The following MEF2B variants were observed in gnomAD, a reference collection of about 807,000 sequenced individuals.
MEF2B encodes myocyte-specific enhancer factor 2B.
Under a neutral mutation model 32.2 loss-of-function variants are expected in MEF2B, and 15 were observed. The ratio of observed to expected loss-of-function variants is 0.47; its 90% CI spans 0.31 to 0.72. The LOEUF (loss-of-function observed/expected upper bound fraction) is 0.72, where lower values mean the gene tolerates loss of function less well. MEF2B is among the 30% of genes least tolerant of loss of function. The pLI is 0.05. For missense variants in MEF2B, 441 were observed against 511.5 expected (o/e 0.86, Z 1.33); for synonymous variants, 205 against 225.6 (o/e 0.91, Z 0.82).
chr19:19,161,000 G>A (rs949310842), intron 1 of MEF2B, among the ~76,000 whole-genome samples: 1 of 152,154 alleles, frequency 6.6e-6, no homozygotes, highest in African/African-American at 2.4e-5. Context: ...CCTGCCCTCA[G>A]GGACTCAGGG....
At chr19:19,150,942 T>C (rs558208369) in intron 1 of MEF2B, among the ~76,000 whole-genome samples, 178 bp from the exon 2 acceptor site, 3 of 152,102 alleles carry the variant, frequency 2.0e-5, no homozygotes, top group Non-Finnish European at 4.4e-5. Context: ...TAGGATGCAG[T>C]AGAGGCTCAA....
At chr19:19,164,125 G>A (rs1395997257) in intron 1 of MEF2B, among the ~76,000 whole-genome samples, 1 of 152,018 alleles carries the variant, frequency 6.6e-6, no homozygotes, top group Non-Finnish European at 1.5e-5. Flanking sequence ...CCCCCACCAT[G>A]CCCAGCTAAT....
chr19:19,150,171 G>GGAGA (rs1599721960), intron 2 of MEF2B, among the ~76,000 whole-genome samples: 4 of 108,322 alleles, frequency 3.7e-5, no homozygotes, highest in East Asian at 4.7e-4. Context: ...AGGGAGGGAA[G>GGAGA]GAGGGAGGGA....
intron 1 of MEF2B, among the ~76,000 whole-genome samples, chr19:19,162,883 G>A (rs888080699): frequency 1.3e-5 from 2 of 152,074 alleles, no homozygotes; most frequent in African/African-American, 4.8e-5. Context: ...GTGTTTGCAG[G>A]GGTCCCCACA....
In MEF2B at chr19:19,145,870, C is replaced by T. The variant is rs1357520436; in HGVS notation, c.1034G>A (p.Arg345Gln). ...AGGCCGCAGAGGCTCTGCCAGGGAC[C>T]GGGCGAGGAGCAAGGGATAGGGGAA... ...KTFPYPLLLA[R>Q]SLAEPLRPGP... Residue 345 changes from arginine to glutamine, a missense_variant, in exon 9 of 9, where the codon CGG (arginine) becomes CAG (glutamine). Arg to Gln is a conservative substitution (Grantham distance 43). Coordinates refer to ENST00000424583, the MANE Select transcript of MEF2B (RefSeq NM_001145785.2). This position sits in a 1 kb window ranked among gnomAD's most constrained non-coding sequence, Gnocchi z 4.6. 1.4e-6 allele frequency: 2 copies of T among 1,477,962 alleles called. No homozygotes were observed. Among genetic ancestry groups the T allele is most frequent in the Non-Finnish European group, 1.8e-6 (2 of 1,112,288 alleles). The allele number at this position is 1,477,962 out of a possible 1,614,324, so 91.6% of individuals were successfully genotyped here.
intron 1 of MEF2B, among the ~76,000 whole-genome samples, chr19:19,169,225 G>A (rs746151114): frequency 6.6e-5 from 10 of 151,824 alleles, no homozygotes; most frequent in South Asian, 4.2e-4. Flanking sequence ...GTAGTGGCAC[G>A]CGCCTGTAAT....
Position 19,145,861 on chromosome 19 carries a change from G to GCCAGGGACC in MEF2B, c.1034_1042dup (p.Leu347_Ala348insGlySerLeu). ...GGCGGGCCCAGGCCGCAGAGGCTCT[G>GCCAGGGACC]CCAGGGACCGGGCGAGGAGCAAGGG... On this transcript the variant is annotated inframe_insertion, in exon 9 of 9. Coordinates refer to ENST00000424583, the MANE Select transcript of MEF2B (RefSeq NM_001145785.2). This position sits in a 1 kb window ranked among gnomAD's most constrained non-coding sequence, Gnocchi z 4.6. 6.7e-7 allele frequency: 1 copy of GCCAGGGACC among 1,487,868 alleles called. No individual in the cohort carries two copies. Among genetic ancestry groups the GCCAGGGACC allele is most frequent in the Non-Finnish European group, 9.0e-7 (1 of 1,116,812 alleles). The allele number at this position is 1,487,868 out of a possible 1,614,324, so 92.2% of individuals were successfully genotyped here.
At chr19:19,159,499 A>G (rs900311360) in intron 1 of MEF2B, among the ~76,000 whole-genome samples, 6 of 151,936 alleles carry the variant, frequency 3.9e-5, no homozygotes, top group Admixed American at 3.9e-4. Context: ...GGTGACAGGA[A>G]GAGGCTGGGC....
intron 5 of MEF2B, 26 bp from the exon 6 acceptor site, chr19:19,146,901 A>C (rs778638788): frequency 6.2e-7 from 1 of 1,603,138 alleles, no homozygotes. Context: ...CCCCAGAGAG[A>C]GAGGACAGGC....
At position 19,149,191 on chromosome 19, in the gene MEF2B, G is replaced by A. The variant is rs984159138; in HGVS notation, c.258+35C>T. On this transcript the variant is annotated intron_variant, in intron 3 of 8. Coordinates refer to ENST00000424583, the MANE Select transcript of MEF2B (RefSeq NM_001145785.2). ...GGCTCTGAGAAAGCAGCGTGCACGG[G>A]GCCTTGTGGGGCTGGGGAGGAGGAC... The A allele has an allele frequency of 3.1e-6, 5 of 1,610,004 alleles. No homozygotes were observed. In the African/African-American group the frequency reaches 6.7e-5, roughly 22 times the overall value.
rs1273961849 is a variant in MEF2B, at chr19:19,150,728, C to T, written c.8G>A (p.Arg3Lys). The T allele has an allele frequency of 6.2e-7, 1 of 1,614,030 alleles. No homozygotes were observed. Among genetic ancestry groups the T allele is most frequent in the Admixed American group, 1.7e-5 (1 of 59,988 alleles). MG[R>K]KKIQISRILD... ...GATGCGGGAGATCTGGATTTTTTTC[C>T]TCCCCATCGTCCCAGGCTGAGTGGA... Residue 3 changes from arginine to lysine, a missense_variant, in exon 2 of 9, where the codon AGG becomes AAG. Arg to Lys is a conservative substitution (Grantham distance 26). Transcript: ENST00000424583.
At chr19:19,149,457 G>C in intron 2 of MEF2B, 28 bp from the exon 3 acceptor site, 2 of 1,613,506 alleles carry the variant, frequency 1.2e-6, no homozygotes, top group South Asian at 1.1e-5. Flanking sequence ...AGGGGCAGGG[G>C]AGAGAAGAAG....
chr19:19,150,079 A>G (rs1422882515), intron 2 of MEF2B, among the ~76,000 whole-genome samples: 2 of 108,492 alleles, frequency 1.8e-5, no homozygotes, highest in Non-Finnish European at 3.8e-5. Flanking sequence ...AGTGAACTCC[A>G]TCTCAAAAAA....
intron 1 of MEF2B, among the ~76,000 whole-genome samples, chr19:19,153,957 T>C (rs2146364629): frequency 6.6e-6 from 1 of 151,940 alleles, no homozygotes; most frequent in East Asian, 1.9e-4. Flanking sequence ...CTCACTATGT[T>C]GTCTAGGTTG....
At chr19:19,146,408 G>A (rs2146349902) in intron 7 of MEF2B, 24 bp from the exon 8 acceptor site, 1 of 1,081,998 alleles carries the variant, frequency 9.2e-7, no homozygotes, top group Non-Finnish European at 1.3e-6. Flanking sequence ...ATTGGGGGCT[G>A]AGGCCTGGAC....
At chr19:19,147,898 G>T in intron 3 of MEF2B, 66 bp from the exon 4 acceptor site, 1 of 1,560,322 alleles carries the variant, frequency 6.4e-7, no homozygotes. Context: ...CCAGTTCTAT[G>T]GGAGAGGGGA....
At position 19,145,687 on chromosome 19, in the gene MEF2B, G is replaced by A. The variant is rs552741177; in HGVS notation, c.*110C>T. ...CCACCTCCAAGCCCCCACCGCGGAGGGGGGCGTCACTGTTGGGTCTTCTCT... is the reference window on the plus strand; with the variant it reads ...CCACCTCCAAGCCCCCACCGCGGAGAGGGGCGTCACTGTTGGGTCTTCTCT... On this transcript the variant is annotated 3_prime_UTR_variant, in exon 9 of 9. Transcript: ENST00000424583. The surrounding 1 kb of genome is among the most constrained non-coding windows in gnomAD (Gnocchi z 4.6). The A allele has an allele frequency of 6.5e-7, 1 of 1,550,160 alleles. No homozygotes were observed. Among genetic ancestry groups the A allele is most frequent in the Admixed American group, 2.0e-5 (1 of 50,646 alleles).
chr19:19,166,181 G>A (rs2060205980), intron 1 of MEF2B, among the ~76,000 whole-genome samples: 1 of 152,032 alleles, frequency 6.6e-6, no homozygotes, highest in Non-Finnish European at 1.5e-5. Context: ...TTGTACCCCA[G>A]GGCCATCACG....
chr19:19,160,105 A>C (rs1004685626), intron 1 of MEF2B, among the ~76,000 whole-genome samples: 1 of 151,060 alleles, frequency 6.6e-6, no homozygotes. Flanking sequence ...AGTAGCTGGG[A>C]TTACAGGTGC....
Sources: gnomAD v4.1 joint callset for allele counts (sites outside exome capture counted in the v4.1 genomes callset) on GRCh38, gnomAD v4.1.1 for gene constraint, Gnocchi (gnomAD v3.1) non-coding constraint, MANE v1.5 for transcripts, NCBI Gene and HGNC (gene_info 2026-07-23, HGNC 2026-07-21) for gene names.